The following MBD5 variants were observed in gnomAD, a reference collection of about 807,000 sequenced individuals.
MBD5 encodes the protein methyl-CpG-binding domain protein 5.
A neutral mutation model predicts 117.3 loss-of-function variants in MBD5; 13 were observed. The observed-to-expected ratio is 0.11, with a 90% CI of 0.07 to 0.18. The LOEUF (loss-of-function observed/expected upper bound fraction) is 0.18. MBD5 is among the 10% of genes least tolerant of loss of function. The pLI is 1.00. For synonymous variants in MBD5, 727 were observed against 766.4 expected (o/e 0.95, Z 0.85); for missense variants, 1,879 against 2,093.8 (o/e 0.90, Z 2.00).
intron 4 of MBD5, among the ~76,000 whole-genome samples, chr2:148,418,411 A>G (rs1705493499): frequency 6.6e-6 from 1 of 152,188 alleles, no homozygotes; most frequent in Non-Finnish European, 1.5e-5. Flanking sequence ...TTCAAATTGA[A>G]AAAGAGGAAG....
intron 3 of MBD5, among the ~76,000 whole-genome samples, chr2:148,327,653 A>C (rs1413242152): frequency 3.3e-5 from 5 of 151,484 alleles, no homozygotes; most frequent in African/African-American, 1.2e-4. Context: ...AGGCTTCTGC[A>C]TTCTTCACAT....
chr2:148,057,278 T>G (rs1694893000), intron 1 of MBD5, among the ~76,000 whole-genome samples: 1 of 151,876 alleles, frequency 6.6e-6, no homozygotes, highest in Admixed American at 6.6e-5. Context: ...TCTGCTGACT[T>G]TTAACTTTTA....
chr2:148,164,140 A>T (rs1698073286), intron 1 of MBD5, among the ~76,000 whole-genome samples: 1 of 152,230 alleles, frequency 6.6e-6, no homozygotes, highest in Non-Finnish European at 1.5e-5. Context: ...TTCATTTAAA[A>T]GGAGGAAGTT....
chr2:148,368,907 TA>T (rs1703776530), intron 4 of MBD5, among the ~76,000 whole-genome samples: 1 of 152,156 alleles, frequency 6.6e-6, no homozygotes, highest in Admixed American at 6.5e-5. Context: ...AATTTAATTA[TA>T]AAGGAAACCT....
rs1394872995 is a variant in MBD5, at chr2:148,245,589, C to G, written c.-680+12194C>G. On this transcript the variant is annotated intron_variant, in intron 3 of 13. Coordinates refer to ENST00000642680, the MANE Select transcript of MBD5 (RefSeq NM_001378120.1). ...TCCATCCTGGGAGACAGAGTGAGAC[C>G]CTGTTTCAAAAAATATATATCTATA... Among the ~76,000 whole-genome samples, 4 of 151,688 alleles carry G rather than the reference C, an allele frequency of 2.6e-5. No individual in the cohort carries two copies. In the East Asian group the frequency reaches 7.8e-4, roughly 30 times the overall value.
At chr2:148,207,453 G>T (rs1699311249) in intron 2 of MBD5, among the ~76,000 whole-genome samples, 1 of 83,132 alleles carries the variant, frequency 1.2e-5, no homozygotes. Context: ...AAAAAAAAAG[G>T]ACAAAAAAAA....
intron 4 of MBD5, among the ~76,000 whole-genome samples, chr2:148,446,459 A>T (rs1706529263): frequency 6.6e-6 from 1 of 152,104 alleles, no homozygotes; most frequent in South Asian, 2.1e-4. Flanking sequence ...CTCAATGGTG[A>T]GAGGACCCTG....
intron 3 of MBD5, among the ~76,000 whole-genome samples, chr2:148,240,831 C>G (rs1183480461): frequency 6.6e-6 from 1 of 152,002 alleles, no homozygotes; most frequent in Non-Finnish European, 1.5e-5. Context: ...TGATACTATA[C>G]TTTTTAGTTT....
intron 1 of MBD5, among the ~76,000 whole-genome samples, chr2:148,114,623 A>G (rs1427898363): frequency 6.6e-6 from 1 of 152,216 alleles, no homozygotes; most frequent in Non-Finnish European, 1.5e-5. Flanking sequence ...AGAATTCCAC[A>G]TAACCTCTCA....
chr2:148,055,480 T>G (rs1026598927), intron 1 of MBD5: 3 of 151,276 alleles, frequency 2.0e-5, no homozygotes, highest in African/African-American at 7.3e-5. Context: ...CAGGCTGGAG[T>G]GCAGGAGTGC....
intron 4 of MBD5, among the ~76,000 whole-genome samples, chr2:148,387,572 A>C (rs1445759455): frequency 6.6e-6 from 1 of 152,146 alleles, no homozygotes; most frequent in Non-Finnish European, 1.5e-5. Context: ...ATTAAAAAGA[A>C]AGAAATAAAA....
chr2:148,086,987 G>A (rs1027847768), intron 1 of MBD5, among the ~76,000 whole-genome samples: 1 of 152,082 alleles, frequency 6.6e-6, no homozygotes, highest in Non-Finnish European at 1.5e-5. Context: ...ATACATGATA[G>A]GTGATTGCAG....
chr2:148,341,225 A>G (rs1234599861), intron 3 of MBD5, among the ~76,000 whole-genome samples: 2 of 151,992 alleles, frequency 1.3e-5, no homozygotes, highest in African/African-American at 2.4e-5. Flanking sequence ...CAGTACCACA[A>G]TCCATATAGG....
At chr2:148,473,302 T>C (rs910727505) in intron 8 of MBD5, among the ~76,000 whole-genome samples, 1 of 152,082 alleles carries the variant, frequency 6.6e-6, no homozygotes, top group Non-Finnish European at 1.5e-5. Flanking sequence ...TAATTAATTA[T>C]CACCTCACTC....
intron 5 of MBD5, among the ~76,000 whole-genome samples, chr2:148,462,305 AT>A (rs1707113861): frequency 6.6e-6 from 1 of 152,046 alleles, no homozygotes; most frequent in African/African-American, 2.4e-5. Context: ...TAAGAATAGC[AT>A]TTTTACCACC....
At chr2:148,504,026 A>T (rs1268732653) in intron 12 of MBD5, among the ~76,000 whole-genome samples, 2 of 152,204 alleles carry the variant, frequency 1.3e-5, no homozygotes, top group Non-Finnish European at 2.9e-5. Context: ...ATTCAAATAC[A>T]CTGCCTTGAA....
At chr2:148,251,005 G>T (rs1346142378) in intron 3 of MBD5, among the ~76,000 whole-genome samples, 4 of 151,956 alleles carry the variant, frequency 2.6e-5, no homozygotes, top group Non-Finnish European at 5.9e-5. Flanking sequence ...TTTTAATGTG[G>T]TTTTTGTTTT....
At chr2:148,231,573 T>C (rs1699986737) in intron 2 of MBD5, among the ~76,000 whole-genome samples, 1 of 152,118 alleles carries the variant, frequency 6.6e-6, no homozygotes, top group Non-Finnish European at 1.5e-5. Context: ...AGTTATTGAA[T>C]TGATGTCCTT....
intron 4 of MBD5, among the ~76,000 whole-genome samples, chr2:148,402,314 C>G (rs1704947933): frequency 6.6e-6 from 1 of 151,954 alleles, no homozygotes; most frequent in African/African-American, 2.4e-5. Flanking sequence ...TTCATTCCTC[C>G]TACTTTTATT....
Sources: allele counts gnomAD v4.1 joint callset (sites outside exome capture counted in the v4.1 genomes callset), GRCh38; gene constraint gnomAD v4.1.1; transcripts MANE v1.5; gene names NCBI Gene and HGNC (gene_info 2026-07-23, HGNC 2026-07-21).